LSAMP: variants seen among roughly 807,000 people sequenced by gnomAD.
The protein encoded by LSAMP is limbic system-associated membrane protein.
Under a neutral mutation model 38.6 loss-of-function variants are expected in LSAMP, and 7 were observed. The observed-to-expected ratio is 0.18, with a 90% CI of 0.10 to 0.34. The LOEUF is 0.34. Ranked by LOEUF, LSAMP falls within the 10% of genes least tolerant of loss-of-function variation. The probability of loss-of-function intolerance (pLI) is 1.00; values close to 1 mark genes in which losing one functional copy is unlikely to be tolerated. For missense variants in LSAMP, 313 were observed against 420.0 expected, an observed-to-expected ratio of 0.75 and a Z score of 2.23; for synonymous variants, 154 against 166.8, an observed-to-expected ratio of 0.92 and a Z score of 0.59.
chr3:116,171,583 AT>A (rs1710200912), intron 1 of LSAMP, among the ~76,000 whole-genome samples: 1 of 152,126 alleles, frequency 6.6e-6, no homozygotes, highest in South Asian at 2.1e-4. Context: ...GCCAGCAAGT[AT>A]TTGGGCAAAT....
chr3:115,942,683 C>T (rs1005989368), intron 3 of LSAMP, among the ~76,000 whole-genome samples: 3 of 152,072 alleles, frequency 2.0e-5, no homozygotes, highest in Admixed American at 6.6e-5. Flanking sequence ...ATGCATATTT[C>T]CAGGTCACAT....
intron 1 of LSAMP, among the ~76,000 whole-genome samples, chr3:116,317,542 A>T (rs2047648330): frequency 6.6e-6 from 1 of 151,672 alleles, no homozygotes; most frequent in Non-Finnish European, 1.5e-5. Flanking sequence ...TTTTCAGTAG[A>T]GACGGAGTTT....
intron 1 of LSAMP, among the ~76,000 whole-genome samples, chr3:116,240,444 T>C (rs2046518133): frequency 6.6e-6 from 1 of 152,202 alleles, no homozygotes; most frequent in Admixed American, 6.5e-5. Flanking sequence ...AATGTTATGT[T>C]ATAAATTTAC....
In LSAMP at chr3:116,445,013, G is replaced by T; in HGVS notation, c.19C>A (p.Pro7Thr). 1 of 1,613,830 alleles carries T rather than the reference G, an allele frequency of 6.2e-7. No individual in the cohort carries two copies. The highest frequency in any genetic ancestry group is 8.5e-7 in the Non-Finnish European group (1 of 1,179,838). MVRRVQ[P>T]DRKQLPLVLL... Reference sequence around the variant, plus strand: ...ACCAGTGGCAACTGTTTCCGATCCGGCTGAACTCTCCTGACCATGGTGGCC... The same window carrying T: ...ACCAGTGGCAACTGTTTCCGATCCGTCTGAACTCTCCTGACCATGGTGGCC... The change falls in exon 1 of 7, where the codon CCG (proline) becomes ACG (threonine). Residue 7 changes from proline (P) to threonine (T), a missense_variant. Pro to Thr is a conservative substitution (Grantham distance 38). Coordinates refer to ENST00000490035, the MANE Select transcript of LSAMP (RefSeq NM_002338.5).
chr3:115,949,376 T>A (rs909874366), intron 3 of LSAMP, among the ~76,000 whole-genome samples: 3 of 151,812 alleles, frequency 2.0e-5, no homozygotes, highest in Non-Finnish European at 4.4e-5. Flanking sequence ...ATTTTGTTTA[T>A]CTCTTAAAAA....
chr3:116,392,705 G>T (rs1222195103), intron 1 of LSAMP, among the ~76,000 whole-genome samples: 1 of 152,212 alleles, frequency 6.6e-6, no homozygotes, highest in African/African-American at 2.4e-5. Flanking sequence ...GACCAGAGGG[G>T]AAACTTGTGG....
intron 3 of LSAMP, among the ~76,000 whole-genome samples, chr3:116,004,232 T>A (rs984438493): frequency 7.9e-5 from 12 of 152,072 alleles, no homozygotes; most frequent in African/African-American, 2.7e-4. Context: ...GGGAACAGAA[T>A]GAAAACTCAT....
At chr3:116,436,671 A>C (rs1253954215) in intron 1 of LSAMP, among the ~76,000 whole-genome samples, 1 of 152,188 alleles carries the variant, frequency 6.6e-6, no homozygotes, top group African/African-American at 2.4e-5. Context: ...TCAAAGAATC[A>C]AAACACAATA....
intron 4 of LSAMP, among the ~76,000 whole-genome samples, chr3:115,845,018 T>C (rs1431215897): frequency 6.6e-6 from 1 of 152,140 alleles, no homozygotes; most frequent in African/African-American, 2.4e-5. Context: ...GGAAGTGCAT[T>C]TGAAGGCTGA....
At chr3:116,057,164 A>G (rs963919762) in intron 2 of LSAMP, among the ~76,000 whole-genome samples, 4 of 152,192 alleles carry the variant, frequency 2.6e-5, no homozygotes, top group Admixed American at 1.3e-4. Context: ...ACTGGTTCCT[A>G]AAAACTCTCA....
intron 2 of LSAMP, among the ~76,000 whole-genome samples, chr3:116,048,060 A>G (rs546434608): frequency 1.3e-3 from 194 of 152,312 alleles, no homozygotes; most frequent in African/African-American, 4.5e-3. Flanking sequence ...CCAAAATCTG[A>G]CACAGTGCTT....
intron 1 of LSAMP, among the ~76,000 whole-genome samples, chr3:116,350,812 C>T (rs989194002): frequency 4.0e-5 from 6 of 151,782 alleles, no homozygotes; most frequent in Non-Finnish European, 8.8e-5. Context: ...ATCTTCTATC[C>T]GTGAACTTGT....
intron 1 of LSAMP, among the ~76,000 whole-genome samples, chr3:116,124,807 T>C (rs996790892): frequency 2.0e-5 from 3 of 152,144 alleles, no homozygotes; most frequent in African/African-American, 4.8e-5. Flanking sequence ...GAAAACACAA[T>C]TGGGCTCATA....
intron 3 of LSAMP, among the ~76,000 whole-genome samples, chr3:115,907,469 C>T (rs7643620): frequency 0.22 from 33,826 of 151,918 alleles, 4,618 homozygotes; most frequent in African/African-American, 0.39. Context: ...AATCCACTGG[C>T]ACTTTCATCT....
At chr3:116,434,844 C>T (rs116419328) in intron 1 of LSAMP, among the ~76,000 whole-genome samples, 144 of 152,248 alleles carry the variant, frequency 9.5e-4, no homozygotes, top group African/African-American at 3.2e-3. Flanking sequence ...CCACTGCGCT[C>T]GGCCGGGGCT....
At chr3:116,179,893 CT>C (rs1367169936) in intron 1 of LSAMP, among the ~76,000 whole-genome samples, 3 of 152,236 alleles carry the variant, frequency 2.0e-5, no homozygotes, top group African/African-American at 7.2e-5. Flanking sequence ...GAAAGAAATA[CT>C]TTTGACCTCC....
chr3:116,400,197 T>C (rs2048820093), intron 1 of LSAMP, among the ~76,000 whole-genome samples: 1 of 152,142 alleles, frequency 6.6e-6, no homozygotes, highest in Non-Finnish European at 1.5e-5. Flanking sequence ...TTTAGTTTTC[T>C]AATGAGGTTT....
intron 3 of LSAMP, among the ~76,000 whole-genome samples, chr3:115,936,197 C>T (rs567380127): frequency 3.9e-5 from 6 of 152,236 alleles, no homozygotes; most frequent in South Asian, 2.1e-4. Flanking sequence ...TTTGCTTTAG[C>T]GAGTCAGTAT....
At chr3:116,379,298 G>A (rs1417278916) in intron 1 of LSAMP, among the ~76,000 whole-genome samples, 1 of 152,072 alleles carries the variant, frequency 6.6e-6, no homozygotes, top group African/African-American at 2.4e-5. Flanking sequence ...GGGATAAAAA[G>A]TGATGGGGTA....
Sources: allele counts gnomAD v4.1 joint callset (sites outside exome capture counted in the v4.1 genomes callset), GRCh38; gene constraint gnomAD v4.1.1; transcripts MANE v1.5; gene names NCBI Gene and HGNC (gene_info 2026-07-23, HGNC 2026-07-21).